Variants in WWTR1 observed in about 807,000 individuals in gnomAD.
WWTR1 encodes the protein WW domain-containing transcription regulator protein 1.
In WWTR1, 13 loss-of-function variants were observed where a neutral mutation model predicts 40.1. The observed-to-expected ratio is 0.32, with a 90% CI of 0.21 to 0.52. The LOEUF (loss-of-function observed/expected upper bound fraction) is 0.52. Ranked by LOEUF, WWTR1 falls within the 20% of genes least tolerant of loss-of-function variation. The pLI is 0.97. For missense variants in WWTR1, 436 were observed against 523.1 expected (o/e 0.83, Z 1.63); for synonymous variants, 230 against 210.1 (o/e 1.09, Z -0.82).
chr3:149,592,551 TAG>T (rs1738779473), intron 2 of WWTR1, among the ~76,000 whole-genome samples: 1 of 152,186 alleles, frequency 6.6e-6, no homozygotes, highest in East Asian at 1.9e-4. Context: ...AGAGCTAATA[TAG>T]ATTAGAGAGA....
At chr3:149,578,846 G>A (rs1243368721) in intron 2 of WWTR1, among the ~76,000 whole-genome samples, 1 of 152,092 alleles carries the variant, frequency 6.6e-6, no homozygotes, top group African/African-American at 2.4e-5. Flanking sequence ...CGCCATTATT[G>A]CACTCCAGCC....
chr3:149,690,273 G>T (rs79358033), intron 1 of WWTR1, among the ~76,000 whole-genome samples: 1 of 152,028 alleles, frequency 6.6e-6, no homozygotes. Flanking sequence ...ACTTACCAAC[G>T]ATAACATTGA....
intron 2 of WWTR1, among the ~76,000 whole-genome samples, chr3:149,633,789 C>T (rs1165966079): frequency 2.0e-5 from 3 of 152,052 alleles, no homozygotes; most frequent in Non-Finnish European, 2.9e-5. Context: ...GGAAGGGGTA[C>T]AAGCACTGCC....
chr3:149,666,952 T>C (rs1713847441), intron 2 of WWTR1, among the ~76,000 whole-genome samples: 1 of 152,206 alleles, frequency 6.6e-6, no homozygotes, highest in Non-Finnish European at 1.5e-5. Flanking sequence ...ATTTCACAAA[T>C]GTTTTGTCAT....
intron 3 of WWTR1, among the ~76,000 whole-genome samples, chr3:149,544,718 C>T (rs1736289553): frequency 6.6e-6 from 1 of 152,158 alleles, no homozygotes; most frequent in Non-Finnish European, 1.5e-5. Flanking sequence ...AGAAGAGGAA[C>T]AACTGCTGAA....
At chr3:149,549,575 C>T (rs376227801) in intron 3 of WWTR1, among the ~76,000 whole-genome samples, 49 of 152,310 alleles carry the variant, frequency 3.2e-4, no homozygotes, top group East Asian at 7.7e-4. Flanking sequence ...CCATGGCTCA[C>T]GCCTGTAATG....
chr3:149,612,589 G>T (rs996232899), intron 2 of WWTR1, among the ~76,000 whole-genome samples: 1 of 152,108 alleles, frequency 6.6e-6, no homozygotes, highest in South Asian at 2.1e-4. Flanking sequence ...TTTCAGGGAA[G>T]TGCCATAAAA....
chr3:149,583,958 T>C (rs1738282170), intron 2 of WWTR1, among the ~76,000 whole-genome samples: 1 of 152,198 alleles, frequency 6.6e-6, no homozygotes. Flanking sequence ...GCATCTAACA[T>C]CTAGGAATCA....
chr3:149,621,925 A>C (rs1370931750), intron 2 of WWTR1, among the ~76,000 whole-genome samples: 1 of 152,188 alleles, frequency 6.6e-6, no homozygotes, highest in African/African-American at 2.4e-5. Context: ...CCAAAGAGTC[A>C]AAATGCCTTA....
chr3:149,626,409 T>C (rs1740545765), intron 2 of WWTR1, among the ~76,000 whole-genome samples: 2 of 152,096 alleles, frequency 1.3e-5, no homozygotes, highest in Admixed American at 1.3e-4. Context: ...ATCCATCCAG[T>C]TGAAATCAGT....
At chr3:149,648,091 T>C (rs565146683) in intron 2 of WWTR1, among the ~76,000 whole-genome samples, 1 of 152,344 alleles carries the variant, frequency 6.6e-6, no homozygotes, top group South Asian at 2.1e-4. Context: ...TGCCACTTTT[T>C]GAAGGTTCCA....
intron 2 of WWTR1, among the ~76,000 whole-genome samples, chr3:149,573,491 ACAC>A (rs1737741426): frequency 6.6e-6 from 1 of 152,172 alleles, no homozygotes; most frequent in South Asian, 2.1e-4. Flanking sequence ...CAGCTTCTGA[ACAC>A]CACATTAGTG....
chr3:149,694,511 A>G (rs772696904), intron 1 of WWTR1, among the ~76,000 whole-genome samples: 11 of 152,380 alleles, frequency 7.2e-5, no homozygotes, highest in Non-Finnish European at 1.6e-4. Context: ...AAATGGGCAA[A>G]ATATCTAAAC....
At chr3:149,612,313 G>C (rs16862040) in intron 2 of WWTR1, among the ~76,000 whole-genome samples, 2 of 143,522 alleles carry the variant, frequency 1.4e-5, no homozygotes, top group South Asian at 4.4e-4. Context: ...ACATAATTTT[G>C]TTACAATGGG....
At chr3:149,591,001 T>C (rs1366915635) in intron 2 of WWTR1, among the ~76,000 whole-genome samples, 2 of 115,712 alleles carry the variant, frequency 1.7e-5, no homozygotes, top group Admixed American at 1.6e-4. Context: ...AAACTTAGCT[T>C]TTTTTTTTTT....
At chr3:149,543,909 AT>A (rs1736252357) in intron 3 of WWTR1, among the ~76,000 whole-genome samples, 3 of 149,920 alleles carry the variant, frequency 2.0e-5, no homozygotes, top group South Asian at 2.1e-4. Flanking sequence ...ATATATGTAT[AT>A]TTTTTATAAT....
intron 6 of WWTR1, among the ~76,000 whole-genome samples, chr3:149,522,669 A>AT (rs2107897734): frequency 6.6e-6 from 1 of 152,222 alleles, no homozygotes; most frequent in South Asian, 2.1e-4. Context: ...AGAATCATTC[A>AT]TTTTTACTAA....
chr3:149,548,176 C>T (rs531136492), intron 3 of WWTR1, among the ~76,000 whole-genome samples: 87 of 152,232 alleles, frequency 5.7e-4, no homozygotes, highest in Non-Finnish European at 9.9e-4. Flanking sequence ...GAAAGTCGCC[C>T]GGACTCAATT....
At chr3:149,704,913 CAA>C (rs1165346477), upstream of WWTR1, among the ~76,000 whole-genome samples, 1 of 147,838 alleles carries the variant, frequency 6.8e-6, no homozygotes, top group African/African-American at 2.5e-5. Context: ...AGAGAGGAAA[CAA>C]AGTCTTGAGA....
Sources: gnomAD v4.1 joint callset for allele counts (sites outside exome capture counted in the v4.1 genomes callset) on GRCh38, gnomAD v4.1.1 for gene constraint, MANE v1.5 for transcripts, NCBI Gene and HGNC (gene_info 2026-07-23, HGNC 2026-07-21) for gene names.